PARVB: variants seen among roughly 807,000 people sequenced by gnomAD.
The protein encoded by PARVB is parvin beta.
In PARVB, 46 loss-of-function variants were observed where a neutral mutation model predicts 47.0. The ratio of observed to expected loss-of-function variants is 0.98; its 90% CI spans 0.77 to 1.25. The LOEUF (loss-of-function observed/expected upper bound fraction) is 1.25. Among genes scored for constraint, PARVB ranks in the 50% most tolerant of loss-of-function variants. The pLI is 0.00. For missense variants in PARVB, 473 were observed against 471.6 expected (o/e 1.00, Z -0.03); for synonymous variants, 196 against 196.3 (o/e 1.00, Z 0.01).
At chr22:44,156,771 A>G (rs2042836537) in intron 10 of PARVB, among the ~76,000 whole-genome samples, 1 of 152,250 alleles carries the variant, frequency 6.6e-6, no homozygotes, top group African/African-American at 2.4e-5. Context: ...TAAGCGAGAC[A>G]CAAAAGATAA....
At chr22:44,024,583 T>G in intron 1 of PARVB, 132 bp downstream of exon 1, 1 of 318,524 alleles carries the variant, frequency 3.1e-6, no homozygotes, top group Non-Finnish European at 4.9e-6. Flanking sequence ...TGCGCGACCT[T>G]CGGGACAGGC....
rs1180409007 is a variant in PARVB at position 44,070,752 on chromosome 22, G to A, written c.113-23176G>A. Among the ~76,000 whole-genome samples the A allele has an allele frequency of 3.3e-5, 5 of 152,224 alleles. No homozygotes were observed. The East Asian group carries it at 9.6e-4, about 29-fold the overall frequency. On this transcript the variant is annotated intron_variant, in intron 1 of 12. Coordinates refer to ENST00000338758, the MANE Select transcript of PARVB (RefSeq NM_013327.5). ...CAGAGTGCTTTTCCTGCACAGTGCT[G>A]GGCGGGATGGGGTGGATGGGGCTTG... is the stretch of plus-strand genomic sequence containing the variant.
intron 1 of PARVB, among the ~76,000 whole-genome samples, chr22:44,087,635 G>A (rs2052055857): frequency 1.3e-5 from 2 of 151,926 alleles, no homozygotes; most frequent in South Asian, 2.1e-4. Context: ...GGGAAAAAAA[G>A]CTGCCTGAAA....
chr22:44,046,524 G>A (rs540241170), intron 1 of PARVB, among the ~76,000 whole-genome samples: 51 of 152,366 alleles, frequency 3.3e-4, no homozygotes, highest in African/African-American at 1.1e-3. Flanking sequence ...GGGGCCTACA[G>A]TTGGCTCTCC....
At chr22:44,165,991 G>A (rs748816513) in intron 12 of PARVB, among the ~76,000 whole-genome samples, 2 of 152,176 alleles carry the variant, frequency 1.3e-5, no homozygotes, top group Non-Finnish European at 2.9e-5. Context: ...GTTTCCTGTA[G>A]CCCAAAGCCT....
At chr22:44,016,312 G>A (rs2401516) in intron 2 of PARVB, among the ~76,000 whole-genome samples, 41,794 of 151,564 alleles carry the variant, frequency 0.28, 6,404 homozygotes, top group South Asian at 0.43. Context: ...TAGCCAGGAT[G>A]GTCTCGATCT....
chr22:44,164,415 C>CCCT (rs139972042), intron 12 of PARVB, among the ~76,000 whole-genome samples: 5 of 139,302 alleles, frequency 3.6e-5, no homozygotes, highest in Middle Eastern at 7.5e-3. Context: ...CCTGTCCCCC[C>CCCT]CCCGGCTCCT....
At chr22:43,999,649 A>T in exon 2 of PARVB, 1 of 1,613,662 alleles carries the variant, frequency 6.2e-7, no homozygotes, top group East Asian at 2.2e-5. Context: ...AGGAGTGGAA[A>T]CATCTGAATA....
intron 9 of PARVB, chr22:44,151,190 C>T (rs1380609006): frequency 3.3e-6 from 1 of 300,766 alleles, no homozygotes; most frequent in African/African-American, 2.1e-5. Flanking sequence ...CTTAAGAGCA[C>T]AGGGTGCTCT....
In PARVB at chr22:44,063,954, G is replaced by A. The variant is rs114649060; in HGVS notation, c.113-29974G>A. ...CATTCTCGGGGCCAGGTGTTCCGTG[G>A]ATGGGGTGCGGTGCGGCCTTTGATA... On this transcript the variant is annotated intron_variant, in intron 1 of 12. Coordinates refer to ENST00000338758, the MANE Select transcript of PARVB (RefSeq NM_013327.5). Among the ~76,000 whole-genome samples the A allele has an allele frequency of 3.4e-3, 521 of 152,316 alleles. 2 individuals carry two copies. The highest frequency in any genetic ancestry group is 0.012 in the African/African-American group (503 of 41,568).
At chr22:44,140,264 A>G in intron 8 of PARVB, 121 bp downstream of exon 8, 1 of 974,264 alleles carries the variant, frequency 1.0e-6, no homozygotes. Flanking sequence ...CACTGCCCCC[A>G]TAGTTCTGGA....
intron 4 of PARVB, among the ~76,000 whole-genome samples, chr22:44,123,794 G>T (rs867746408): frequency 6.6e-6 from 1 of 152,186 alleles, no homozygotes; most frequent in Non-Finnish European, 1.5e-5. Context: ...GGCTCCCAAA[G>T]TGTGGGGTTT....
At chr22:44,040,237 C>T (rs2050994083) in intron 1 of PARVB, among the ~76,000 whole-genome samples, 1 of 152,128 alleles carries the variant, frequency 6.6e-6, no homozygotes, top group Non-Finnish European at 1.5e-5. Flanking sequence ...AAATACTGAA[C>T]TCTAATTAGT....
chr22:44,158,138 CA>C, intron 11 of PARVB, 55 bp downstream of exon 11: 1 of 1,204,920 alleles, frequency 8.3e-7, no homozygotes, highest in African/African-American at 1.5e-5. Flanking sequence ...CATTGAAATG[CA>C]GAGCATAGAC....
chr22:44,014,196 C>T (rs115868572), intron 2 of PARVB, among the ~76,000 whole-genome samples: 177 of 152,316 alleles, frequency 1.2e-3, no homozygotes, highest in African/African-American at 4.0e-3. Context: ...ACTCAGGTCC[C>T]TCTTTCTGCA....
At chr22:44,046,804 G>C (rs774439695) in intron 1 of PARVB, among the ~76,000 whole-genome samples, 9 of 152,250 alleles carry the variant, frequency 5.9e-5, no homozygotes, top group Non-Finnish European at 1.2e-4. Context: ...TGGGGTGGCA[G>C]GAGATGGGAA....
intron 11 of PARVB, among the ~76,000 whole-genome samples, chr22:44,162,455 G>A (rs2054073746): frequency 6.6e-6 from 1 of 151,882 alleles, no homozygotes; most frequent in Non-Finnish European, 1.5e-5. Context: ...CCAAATAGCT[G>A]GGATTACAGG....
intron 4 of PARVB, among the ~76,000 whole-genome samples, chr22:44,131,234 C>T (rs1009550491): frequency 5.3e-5 from 8 of 151,476 alleles, no homozygotes; most frequent in African/African-American, 7.3e-5. Context: ...CTCCACCTCC[C>T]GGGTTCAAGC....
chr22:44,100,071 C>G lies in PARVB; in HGVS notation c.221C>G (p.Thr74Arg), dbSNP rs62227666. 4,196 of 1,613,918 alleles carry G rather than the reference C, an allele frequency of 2.6e-3. 10 individuals carry two copies. The highest frequency in any genetic ancestry group is 2.8e-3 in the Non-Finnish European group (3,282 of 1,179,854). ...DTQLEENEER[T>R]MIDPTSKEDP... The stretch of plus-strand genomic sequence containing the variant: ...CTGGCAGAGGAGAACGAGGAGCGCA[C>G]GATGATTGACCCCACTTCCAAGGAA... The change falls in exon 3 of 13, where the codon ACG (threonine) becomes AGG (arginine). Residue 74 changes from threonine to arginine, a missense_variant. Coordinates refer to ENST00000338758, the MANE Select transcript of PARVB (RefSeq NM_013327.5).
Sources: allele counts gnomAD v4.1 joint callset (sites outside exome capture counted in the v4.1 genomes callset), GRCh38; gene constraint gnomAD v4.1.1; transcripts MANE v1.5; gene names NCBI Gene and HGNC (gene_info 2026-07-23, HGNC 2026-07-21).